Variants in LUC7L3 observed in about 807,000 individuals in gnomAD.
LUC7L3 encodes LUC7 like 3 pre-mRNA splicing factor.
LUC7L3 carries 6 observed loss-of-function variants against 66.8 expected under a neutral mutation model. The ratio of observed to expected loss-of-function variants is 0.09; its 90% CI spans 0.05 to 0.18. The LOEUF (loss-of-function observed/expected upper bound fraction) is 0.18. Among genes scored for constraint, LUC7L3 ranks in the 10% least tolerant of loss-of-function variants. LUC7L3 has a pLI of 1.00. For missense variants in LUC7L3, 341 were observed against 531.1 expected, an observed-to-expected ratio of 0.64 and a Z score of 3.52; for synonymous variants, 160 against 174.7, an observed-to-expected ratio of 0.92 and a Z score of 0.66.
In LUC7L3 at chr17:50,751,023, G is replaced by GTTTTTTT. The variant is rs11385262; in HGVS notation, c.*367_*373dup. The GTTTTTTT allele has an allele frequency of 9.7e-7, 1 of 1,032,054 alleles. No individual in the cohort carries two copies. Among genetic ancestry groups the GTTTTTTT allele is most frequent in the African/African-American group, 1.7e-5 (1 of 59,372 alleles). 63.9% of individuals were successfully genotyped at this position (1,032,054 alleles called of 1,614,324 possible). On this transcript the variant is annotated 3_prime_UTR_variant, in exon 10 of 10. Coordinates refer to ENST00000505658, the MANE Select transcript of LUC7L3 (RefSeq NM_016424.5). Reference sequence around the variant, plus strand: ...TTTTTTTTAATAAAAAGGTTGAACTGTTTTTTTTTTTCTTTTTGGTATTAA... The same window carrying GTTTTTTT: ...TTTTTTTTAATAAAAAGGTTGAACTGTTTTTTTTTTTTTTTTTTCTTTTTGGTATTAA...
At chr17:50,736,111 C>T (rs1969969926) in intron 1 of LUC7L3, among the ~76,000 whole-genome samples, 1 of 152,122 alleles carries the variant, frequency 6.6e-6, no homozygotes, top group Non-Finnish European at 1.5e-5. Context: ...CTAGCCTGGG[C>T]AACAGAGTGA....
Position 50,751,798 on chromosome 17 carries a change from A to C in LUC7L3, c.*1137A>C. On this transcript the variant is annotated 3_prime_UTR_variant, in exon 10 of 10. Transcript: ENST00000505658. Reference sequence around the variant, plus strand: ...AGACACCTTCAATTTGTGAAATCAAAGAACTGATGCACTATATAGAACGAA... The same window carrying C: ...AGACACCTTCAATTTGTGAAATCAACGAACTGATGCACTATATAGAACGAA... 3 of 1,018,620 alleles carry C rather than the reference A, an allele frequency of 2.9e-6. No homozygotes were observed. The highest frequency in any genetic ancestry group is 1.7e-5 in the African/African-American group (1 of 57,722). 63.1% of individuals were successfully genotyped at this position (1,018,620 alleles called of 1,614,324 possible). A position where few individuals can be genotyped will look rare whatever the true frequency, so the allele number is the denominator to read the frequency against.
chr17:50,742,141 G>A (rs1010287879), intron 5 of LUC7L3, among the ~76,000 whole-genome samples: 2 of 151,952 alleles, frequency 1.3e-5, no homozygotes, highest in African/African-American at 4.8e-5. Context: ...ATGAAAAGAC[G>A]CTCAACACTA....
intron 5 of LUC7L3, 33 bp from the exon 6 acceptor site, chr17:50,743,673 A>T: frequency 7.3e-7 from 1 of 1,363,704 alleles, no homozygotes; most frequent in East Asian, 2.3e-5. Context: ...TTTGAAAGAA[A>T]TCTTAACTGT....
At chr17:50,744,053 C>T (rs1413574610) in intron 6 of LUC7L3, among the ~76,000 whole-genome samples, 32 of 152,226 alleles carry the variant, frequency 2.1e-4, no homozygotes. Flanking sequence ...GCCTCTCTGG[C>T]TTGCCAATCA....
At chr17:50,720,628 A>G (rs1968685740) in intron 1 of LUC7L3, among the ~76,000 whole-genome samples, 1 of 152,224 alleles carries the variant, frequency 6.6e-6, no homozygotes, top group Non-Finnish European at 1.5e-5. Context: ...CATGCAGTGT[A>G]ATGTTTACTT....
chr17:50,726,327 A>T (rs7214649), intron 1 of LUC7L3, among the ~76,000 whole-genome samples: 16,140 of 151,966 alleles, frequency 0.11, 1,527 homozygotes, highest in African/African-American at 0.25. Context: ...GTGTACCACC[A>T]TGTCTGGCTA....
intron 6 of LUC7L3, 57 bp from the exon 7 acceptor site, chr17:50,744,595 C>A: frequency 6.7e-7 from 1 of 1,501,684 alleles, no homozygotes; most frequent in Non-Finnish European, 9.1e-7. Context: ...TGAGTACTTT[C>A]CTGGGATTTG....
intron 8 of LUC7L3, 88 bp from the exon 9 acceptor site, chr17:50,746,454 C>T (rs2302288): frequency 0.55 from 639,951 of 1,168,084 alleles, 180,519 homozygotes; most frequent in African/African-American, 0.86. Context: ...TAAGTTTTGC[C>T]TAGTCTTGTT....
chr17:50,722,909 A>G (rs1323498760), intron 1 of LUC7L3: 1 of 152,164 alleles, frequency 6.6e-6, no homozygotes, highest in African/African-American at 2.4e-5. Context: ...CACCGTGTTT[A>G]TTTGTATTTT....
chr17:50,737,097 G>A, intron 2 of LUC7L3, 71 bp downstream of exon 2: 1 of 1,011,158 alleles, frequency 9.9e-7, no homozygotes, highest in African/African-American at 1.6e-5. Context: ...GTGGTGAAAG[G>A]AAAAAAACTG....
At chr17:50,723,295 CCATGAAGGTTTAA>C (rs879646410) in intron 1 of LUC7L3, 3 of 152,162 alleles carry the variant, frequency 2.0e-5, no homozygotes, top group Non-Finnish European at 4.4e-5. Context: ...ACCCTTCCTT[CCATGAAGGTTTAA>C]CATGAAGGTT....
At chr17:50,729,896 T>TTATATATATATATATA (rs1156777167) in intron 1 of LUC7L3, among the ~76,000 whole-genome samples, 1 of 65,574 alleles carries the variant, frequency 1.5e-5, no homozygotes, top group Non-Finnish European at 2.9e-5. Flanking sequence ...TATAAATACA[T>TTATATATATATATATA]TATATATATA....
intron 9 of LUC7L3, among the ~76,000 whole-genome samples, chr17:50,748,896 AAAAT>A (rs2143062286): frequency 6.6e-6 from 1 of 152,298 alleles, no homozygotes; most frequent in South Asian, 2.1e-4. Flanking sequence ...TGTAAAAAAA[AAAAT>A]ACAGAAAAGA....
At position 50,754,233 on chromosome 17, in the gene LUC7L3, T is replaced by G. The variant is rs1971068680; in HGVS notation, c.*3572T>G. On this transcript the variant is annotated 3_prime_UTR_variant, in exon 10 of 10. Transcript: ENST00000505658. Reference sequence around the variant, plus strand: ...AAGTTTGGAATCTGCAATCAGTTGGTCTTAAAAAAAAAAAAACTTTATTTT... The same window carrying G: ...AAGTTTGGAATCTGCAATCAGTTGGGCTTAAAAAAAAAAAAACTTTATTTT... The G allele has an allele frequency of 1.0e-5, 1 of 98,422 alleles. No individual in the cohort carries two copies. Among genetic ancestry groups the G allele is most frequent in the Non-Finnish European group, 2.1e-5 (1 of 47,858 alleles). The allele number at this position is 98,422 out of a possible 1,614,324, so 6.1% of individuals were successfully genotyped here.
At chr17:50,747,812 G>A (rs1428069321) in intron 9 of LUC7L3, among the ~76,000 whole-genome samples, 1 of 152,188 alleles carries the variant, frequency 6.6e-6, no homozygotes, top group Non-Finnish European at 1.5e-5. Flanking sequence ...TGTAATGTGA[G>A]AAAGTGTTGA....
At chr17:50,744,545 A>T in intron 6 of LUC7L3, 107 bp from the exon 7 acceptor site, 1 of 1,033,702 alleles carries the variant, frequency 9.7e-7, no homozygotes, top group Non-Finnish European at 1.4e-6. Context: ...GGGAAATGGA[A>T]AAGAGCAATT....
chr17:50,753,755 A>C lies in LUC7L3; in HGVS notation c.*3094A>C, dbSNP rs1341268628. 6.6e-6 allele frequency: 1 copy of C among 152,190 alleles called. No individual in the cohort carries two copies. The highest frequency in any genetic ancestry group is 1.5e-5 in the Non-Finnish European group (1 of 68,020). 9.4% of individuals were successfully genotyped at this position (152,190 alleles called of 1,614,324 possible). A position where few individuals can be genotyped will look rare whatever the true frequency, so the allele number is the denominator to read the frequency against. On this transcript the variant is annotated 3_prime_UTR_variant, in exon 10 of 10. Coordinates refer to ENST00000505658, the MANE Select transcript of LUC7L3 (RefSeq NM_016424.5). ...AAACCATATTCTGTCCCTAAGTAAT[A>C]AAAAATCTAGGAAGTTACTAAAATA...
Position 50,745,918 on chromosome 17 carries a change from A to G in LUC7L3, c.892A>G (p.Arg298Gly). Residue 298 changes from arginine (R) to glycine (G), a missense_variant, in exon 8 of 10, where the codon AGA (arginine) becomes GGA (glycine). Arg to Gly is a moderately radical substitution (Grantham distance 125). Coordinates refer to ENST00000505658, the MANE Select transcript of LUC7L3 (RefSeq NM_016424.5). The part of the protein sequence containing the change: ...ERRKRSRSRS[R>G]HSSRTSDRRC... ...AAGAAAGAGAAGTCGTTCACGAAGT[A>G]GACACTCAAGCCGAACATCAGACAG... 1 of 1,613,696 alleles carries G rather than the reference A, an allele frequency of 6.2e-7. No homozygotes were observed. Among genetic ancestry groups the G allele is most frequent in the Non-Finnish European group, 8.5e-7 (1 of 1,179,850 alleles).
Sources: allele counts gnomAD v4.1 joint callset (sites outside exome capture counted in the v4.1 genomes callset), GRCh38; gene constraint gnomAD v4.1.1; transcripts MANE v1.5; gene names NCBI Gene and HGNC (gene_info 2026-07-23, HGNC 2026-07-21).